The following ASCC3 variants were observed in gnomAD, a reference collection of about 807,000 sequenced individuals.
ASCC3 encodes ASC-1 complex subunit P200.
A neutral mutation model predicts 256.3 loss-of-function variants in ASCC3; 158 were observed. That is an observed-to-expected ratio of 0.62 (90% CI 0.54 to 0.70). The LOEUF is 0.70. ASCC3 is among the 30% of genes least tolerant of loss of function. The pLI is 0.00. For synonymous variants in ASCC3, 948 were observed against 883.4 expected, an observed-to-expected ratio of 1.07 and a Z score of -1.30; for missense variants, 2,259 against 2,626.0, an observed-to-expected ratio of 0.86 and a Z score of 3.05.
At chr6:100,738,043 T>C (rs570517323) in intron 10 of ASCC3, among the ~76,000 whole-genome samples, 21 of 152,354 alleles carry the variant, frequency 1.4e-4, no homozygotes, top group Admixed American at 5.9e-4. Flanking sequence ...TGTCTGTTCA[T>C]GTCCTTTGCC....
chr6:100,732,947 A>G (rs1779979371), intron 10 of ASCC3, among the ~76,000 whole-genome samples: 2 of 152,318 alleles, frequency 1.3e-5, no homozygotes, highest in African/African-American at 2.4e-5. Flanking sequence ...ACAACATTGG[A>G]AAACTAACAA....
chr6:100,636,944 G>C (rs982665651), intron 25 of ASCC3, among the ~76,000 whole-genome samples: 1 of 152,184 alleles, frequency 6.6e-6, no homozygotes, highest in African/African-American at 2.4e-5. Context: ...GAAGTGCCAG[G>C]TGAAGCAGAA....
rs1778680575 is a variant in ASCC3 at position 100,707,904 on chromosome 6, T to C, written c.2151+7558A>G. 3.3e-5 allele frequency among the ~76,000 whole-genome samples: 5 copies of C among 152,118 alleles called. No homozygotes were observed. The South Asian group carries it at 1.0e-3, about 31-fold the overall frequency. On this transcript the variant is annotated intron_variant, in intron 13 of 41. Transcript: ENST00000369162. ...TGGTTCTAAATCTCTTTGTGCAAAA[T>C]AGAACATACCTTCCTTTCATATGAC...
intron 37 of ASCC3, among the ~76,000 whole-genome samples, chr6:100,524,805 C>T (rs773984424): frequency 6.6e-6 from 1 of 152,022 alleles, no homozygotes; most frequent in Non-Finnish European, 1.5e-5. Context: ...TATCCTTCCT[C>T]CTCTTCAAGG....
intron 3 of ASCC3, among the ~76,000 whole-genome samples, chr6:100,861,421 T>C (rs966134891): frequency 6.6e-6 from 1 of 152,156 alleles, no homozygotes; most frequent in African/African-American, 2.4e-5. Context: ...TTCTCTTGCT[T>C]AACCTTTTTA....
chr6:100,712,903 G>A (rs923547868), intron 13 of ASCC3, among the ~76,000 whole-genome samples: 2 of 151,448 alleles, frequency 1.3e-5, no homozygotes, highest in Non-Finnish European at 2.9e-5. Context: ...GACTACAGAC[G>A]CCCACCACCA....
At chr6:100,611,774 T>C (rs1046170664) in intron 30 of ASCC3, among the ~76,000 whole-genome samples, 2 of 151,908 alleles carry the variant, frequency 1.3e-5, no homozygotes, top group African/African-American at 4.8e-5. Flanking sequence ...AGTACTTTTC[T>C]AGATGGAGAG....
chr6:100,633,743 T>G (rs140068417), intron 25 of ASCC3, among the ~76,000 whole-genome samples: 4,587 of 151,116 alleles, frequency 0.03, 74 homozygotes, highest in African/African-American at 0.055. Flanking sequence ...GCGTGGTGGC[T>G]CATGCCTGTA....
At chr6:100,626,016 AAAG>A (rs1322129919) in intron 29 of ASCC3, among the ~76,000 whole-genome samples, 4 of 152,062 alleles carry the variant, frequency 2.6e-5, no homozygotes, top group African/African-American at 7.2e-5. Flanking sequence ...TAGTCAACAC[AAAG>A]AAGATGAGAT....
rs1770762720 is a variant in ASCC3 at position 100,816,672 on chromosome 6, T to C, written c.802-10792A>G. Among the ~76,000 whole-genome samples, 5 of 152,152 alleles carry C rather than the reference T, an allele frequency of 3.3e-5. No individual in the cohort carries two copies. The South Asian group carries it at 8.3e-4, about 25-fold the overall frequency. ...CACCAACAGAAAATCAAATATTGCA[T>C]GTTCTCACTTATAAGTGGGAGCTAA... On this transcript the variant is annotated intron_variant, in intron 4 of 41. Transcript: ENST00000369162.
intron 13 of ASCC3, among the ~76,000 whole-genome samples, chr6:100,694,723 T>C (rs541368069): frequency 3.9e-5 from 6 of 152,216 alleles, no homozygotes; most frequent in African/African-American, 1.4e-4. Flanking sequence ...AATTGTATAG[T>C]GATAGATTGT....
intron 4 of ASCC3, among the ~76,000 whole-genome samples, chr6:100,833,784 C>T (rs949667562): frequency 2.0e-5 from 3 of 152,108 alleles, no homozygotes; most frequent in African/African-American, 7.2e-5. Flanking sequence ...GCAGGACGCG[C>T]GCTTTTAAAG....
chr6:100,783,468 C>T (rs1387707912), intron 8 of ASCC3, among the ~76,000 whole-genome samples: 1 of 152,124 alleles, frequency 6.6e-6, no homozygotes. Context: ...TATCCTCCTA[C>T]TCCTCCATCA....
At chr6:100,617,297 C>T (rs376843692) in intron 30 of ASCC3, among the ~76,000 whole-genome samples, 19 of 152,090 alleles carry the variant, frequency 1.2e-4, no homozygotes, top group East Asian at 1.2e-3. Context: ...CGTGAGCCAC[C>T]GTGCCTGGCC....
chr6:100,842,829 G>T (rs1772210089), intron 4 of ASCC3, among the ~76,000 whole-genome samples: 2 of 151,954 alleles, frequency 1.3e-5, no homozygotes, highest in Admixed American at 6.6e-5. Flanking sequence ...TAAAAAATTA[G>T]TTGTGTGTGG....
chr6:100,530,292 C>T, intron 37 of ASCC3: 1 of 1,422,846 alleles, frequency 7.0e-7, no homozygotes, highest in Non-Finnish European at 9.9e-7. Context: ...AAGTTGAAAT[C>T]ATCGCAGAAG....
intron 36 of ASCC3, among the ~76,000 whole-genome samples, chr6:100,557,321 A>G (rs915227107): frequency 2.0e-5 from 3 of 152,250 alleles, no homozygotes; most frequent in African/African-American, 7.2e-5. Flanking sequence ...GCTGGATCTC[A>G]TAAGTACTGT....
intron 10 of ASCC3, among the ~76,000 whole-genome samples, chr6:100,755,495 C>G (rs1033677833): frequency 1.3e-5 from 2 of 151,846 alleles, no homozygotes; most frequent in Non-Finnish European, 2.9e-5. Context: ...GCCTCCTGAG[C>G]AGCTGCACCC....
At chr6:100,793,110 G>T (rs1239014774) in intron 8 of ASCC3, among the ~76,000 whole-genome samples, 2 of 151,888 alleles carry the variant, frequency 1.3e-5, no homozygotes, top group Non-Finnish European at 2.9e-5. Context: ...TCTTAAACTA[G>T]TTTCTAATTA....
Sources: allele counts gnomAD v4.1 joint callset (sites outside exome capture counted in the v4.1 genomes callset), GRCh38; gene constraint gnomAD v4.1.1; transcripts MANE v1.5; gene names NCBI Gene and HGNC (gene_info 2026-07-23, HGNC 2026-07-21).